MUC4: variants seen among roughly 807,000 people sequenced by gnomAD.
MUC4 encodes the protein mucin 4, cell surface associated.
MUC4 carries 202 observed loss-of-function variants against 257.9 expected under a neutral mutation model. The ratio of observed to expected loss-of-function variants is 0.78; its 90% CI spans 0.70 to 0.88. MUC4 has a LOEUF of 0.88. Ranked by LOEUF, MUC4 falls within the 40% of genes least tolerant of loss-of-function variation. MUC4 has a pLI of 0.00. For synonymous variants in MUC4, 2,351 were observed against 2,757.1 expected, an observed-to-expected ratio of 0.85 and a Z score of 4.62; for missense variants, 5,976 against 6,513.7, an observed-to-expected ratio of 0.92 and a Z score of 2.84.
At chr3:195,749,935 AT>A (rs1367021678) in intron 23 of MUC4, 1 of 152,298 alleles carries the variant, frequency 6.6e-6, no homozygotes, top group Non-Finnish European at 1.5e-5. Flanking sequence ...TATAATAAAA[AT>A]TATAGGTTTT....
intron 14 of MUC4, 144 bp downstream of exon 14, chr3:195,761,943 C>G: frequency 9.6e-7 from 1 of 1,046,318 alleles, no homozygotes; most frequent in Non-Finnish European, 1.3e-6. Context: ...CCCCTCGGCT[C>G]CCGGCCCGCT....
Position 195,789,108 on chromosome 3 carries a change from T to C in MUC4, c.2472A>G (p.Ser824=). The change falls in exon 2 of 25, where the codon TCA becomes TCG. Residue 824 remains serine, a synonymous_variant. Coordinates refer to ENST00000463781, the MANE Select transcript of MUC4 (RefSeq NM_018406.7). Reference sequence around the variant, plus strand: ...TTGATGAAAACCTTGTCGTCTCTCCTGAGGTGGATATTCCTTCGCTTCCTG... The same window carrying C: ...TTGATGAAAACCTTGTCGTCTCTCCCGAGGTGGATATTCCTTCGCTTCCTG... ...TPSGSEGIST[S]GETTRFSSNP... The C allele has an allele frequency of 6.2e-7, 1 of 1,613,596 alleles. No homozygotes were observed. Among genetic ancestry groups the C allele is most frequent in the Non-Finnish European group, 8.5e-7 (1 of 1,179,736 alleles).
intron 7 of MUC4, among the ~76,000 whole-genome samples, chr3:195,767,530 G>GCCA (rs1228711420): frequency 4.5e-4 from 24 of 53,582 alleles, no homozygotes; most frequent in African/African-American, 2.6e-3. Context: ...CACCACCATC[G>GCCA]CCACCACCAT....
At chr3:195,808,941 C>T (rs1325739203) in intron 1 of MUC4, among the ~76,000 whole-genome samples, 6 of 152,160 alleles carry the variant, frequency 3.9e-5, no homozygotes, top group Admixed American at 2.0e-4. Flanking sequence ...CCGTGGAGTG[C>T]GCTGTGGCCG....
intron 7 of MUC4, among the ~76,000 whole-genome samples, 168 bp downstream of exon 7, chr3:195,768,854 G>A (rs907384424): frequency 2.6e-5 from 4 of 152,222 alleles, no homozygotes; most frequent in Admixed American, 2.6e-4. Context: ...CTTGTCGTGG[G>A]AAGCAGCCAG....
At chr3:195,807,421 C>G (rs945378515) in intron 1 of MUC4, among the ~76,000 whole-genome samples, 4 of 151,992 alleles carry the variant, frequency 2.6e-5, no homozygotes, top group African/African-American at 9.7e-5. Context: ...TGAGCTGAGA[C>G]CACGCCACTG....
Position 195,762,266 on chromosome 3 carries a change from G to T in MUC4, c.14345-12C>A. On this transcript the variant is annotated splice_polypyrimidine_tract_variant and intron_variant, in intron 13 of 24. Coordinates refer to ENST00000463781, the MANE Select transcript of MUC4 (RefSeq NM_018406.7). ...GAACGTCTCCTGGCCTGGAGCATCG[G>T]GAGGCAGCGGAGAGGAAGCCAGGTC... 1 of 1,561,732 alleles carries T rather than the reference G, an allele frequency of 6.4e-7. No homozygotes were observed. The highest frequency in any genetic ancestry group is 2.4e-5 in the East Asian group (1 of 41,710).
Position 195,790,223 on chromosome 3 carries a change from T to A in MUC4, c.1357A>T (p.Thr453Ser), listed in dbSNP as rs775239862. 1 of 1,613,968 alleles carries A rather than the reference T, an allele frequency of 6.2e-7. No homozygotes were observed. Residue 453 changes from threonine to serine, a missense_variant, in exon 2 of 25, where the codon ACC becomes TCC. Coordinates refer to ENST00000463781, the MANE Select transcript of MUC4 (RefSeq NM_018406.7). ...LPPKISTAFH[T>S]QQSEGAETTG... Reference sequence around the variant, plus strand: ...GTCTCTGCACCTTCACTCTGCTGGGTGTGGAAAGCTGTGGATATTTTTGGA... The same window carrying A: ...GTCTCTGCACCTTCACTCTGCTGGGAGTGGAAAGCTGTGGATATTTTTGGA...
intron 3 of MUC4, among the ~76,000 whole-genome samples, chr3:195,774,672 C>A (rs1000348467): frequency 6.6e-6 from 1 of 152,026 alleles, no homozygotes; most frequent in East Asian, 1.9e-4. Flanking sequence ...GAGGCTGAGG[C>A]GGGAGGATCA....
At chr3:195,764,583 A>T (rs1720008467) in intron 10 of MUC4, among the ~76,000 whole-genome samples, 1 of 151,960 alleles carries the variant, frequency 6.6e-6, no homozygotes, top group South Asian at 2.1e-4. Flanking sequence ...GGAAACTGCC[A>T]TGGGACGGGG....
In MUC4 at chr3:195,757,460, T is replaced by C; in HGVS notation, c.14987-132A>G. On this transcript the variant is annotated intron_variant, in intron 17 of 24. Transcript: ENST00000463781. This position sits in a 1 kb window ranked among gnomAD's most constrained non-coding sequence, Gnocchi z 4.8. Reference sequence around the variant, plus strand: ...CCCCAGACAAATCTCATTGGTCATTTCCTTTGAGCAAGGCTGGTATCGGGG... The same window carrying C: ...CCCCAGACAAATCTCATTGGTCATTCCCTTTGAGCAAGGCTGGTATCGGGG... The C allele has an allele frequency of 1.2e-6, 1 of 857,282 alleles. No homozygotes were observed. Among genetic ancestry groups the C allele is most frequent in the Middle Eastern group, 3.6e-4 (1 of 2,776 alleles). 53.1% of individuals were successfully genotyped at this position (857,282 alleles called of 1,614,324 possible). A position where few individuals can be genotyped will look rare whatever the true frequency, so the allele number is the denominator to read the frequency against.
chr3:195,754,041 T>C (rs3107758), intron 19 of MUC4, 172 bp downstream of exon 19: 1 of 881,768 alleles, frequency 1.1e-6, no homozygotes, highest in Non-Finnish European at 1.7e-6. Context: ...AGATTTCCCA[T>C]ACCTGCCTAG....
intron 7 of MUC4, among the ~76,000 whole-genome samples, chr3:195,767,504 C>CAT (rs1720915469): frequency 2.9e-5 from 4 of 137,362 alleles, no homozygotes; most frequent in East Asian, 2.3e-4. Context: ...ACCATCACCA[C>CAT]CACCATCACC....
In MUC4 at chr3:195,762,888, C is replaced by T. The variant is rs185379165; in HGVS notation, c.14311G>A (p.Val4771Met). The change falls in exon 13 of 25, where the codon GTG (valine) becomes ATG (methionine). Residue 4771 changes from valine (V) to methionine (M), a missense_variant. Val to Met is a conservative substitution (Grantham distance 21, BLOSUM62 1). Transcript: ENST00000463781. Reference sequence around the variant, plus strand: ...TCTTCATGGTCAGGCTGAAATGTCACAGTCTGGTTATCCAGCAGGACACGG... The same window carrying T: ...TCTTCATGGTCAGGCTGAAATGTCATAGTCTGGTTATCCAGCAGGACACGG... ...AIRVLLDNQTVTFQPDHEDGG... is the reference protein window; with the variant it reads ...AIRVLLDNQTMTFQPDHEDGG... 1.3e-6 allele frequency: 2 copies of T among 1,572,430 alleles called. No homozygotes were observed. Among genetic ancestry groups the T allele is most frequent in the African/African-American group, 1.4e-5 (1 of 73,852 alleles).
At chr3:195,750,741 A>T in intron 23 of MUC4, 148 bp downstream of exon 23, 2 of 768,542 alleles carry the variant, frequency 2.6e-6, no homozygotes, top group South Asian at 1.8e-5. Flanking sequence ...TCTCGAATCT[A>T]AAAAGCAGCT....
Position 195,762,088 on chromosome 3 carries a change from C to A in MUC4, c.14511G>T (p.Leu4837=). ...GAGGCAGGTCCGAGCCGCCCTCACC[C>A]AGGAGCCCCTCCGTGCGGTTCTGGT... is the stretch of plus-strand genomic sequence containing the variant. ...PEYQNRTEGL[L]GVWNNNPEDD... Residue 4837 remains leucine, a splice_region_variant and synonymous_variant, in exon 14 of 25, where the codon CTG becomes CTT. Transcript: ENST00000463781. 1 of 1,593,302 alleles carries A rather than the reference C, an allele frequency of 6.3e-7. No individual in the cohort carries two copies. Among genetic ancestry groups the A allele is most frequent in the Non-Finnish European group, 8.5e-7 (1 of 1,173,602 alleles).
At chr3:195,763,668 C>T (rs1719734212) in intron 11 of MUC4, 27 bp from the exon 12 acceptor site, 3 of 1,470,728 alleles carry the variant, frequency 2.0e-6, no homozygotes, top group East Asian at 2.5e-5. Context: ...GATGCTGCCT[C>T]AGCATGACAA....
intron 18 of MUC4, among the ~76,000 whole-genome samples, chr3:195,756,313 A>G (rs1314969920): frequency 6.6e-6 from 1 of 152,044 alleles, no homozygotes; most frequent in African/African-American, 2.4e-5. Flanking sequence ...TGTGATGGAA[A>G]CCTGTGTGGA....
chr3:195,790,473 T>A lies in MUC4; in HGVS notation c.1107A>T (p.Thr369=), dbSNP rs1733721314. 1 of 1,613,930 alleles carries A rather than the reference T, an allele frequency of 6.2e-7. No homozygotes were observed. Among genetic ancestry groups the A allele is most frequent in the African/African-American group, 1.3e-5 (1 of 74,942 alleles). ...AGGTGGTTGTTTCACCAGAAGGGAA[T>A]GTCTCCTGAGAAACTGTTCCACTTG... ...FNPSGTVSQE[T]FPSGETTTSS... is the part of the protein sequence containing the mutation. Residue 369 remains threonine, a synonymous_variant, in exon 2 of 25, where the codon ACA becomes ACT. Transcript: ENST00000463781.
Sources: gnomAD v4.1 joint callset for allele counts (sites outside exome capture counted in the v4.1 genomes callset) on GRCh38, gnomAD v4.1.1 for gene constraint, Gnocchi (gnomAD v3.1) non-coding constraint, MANE v1.5 for transcripts, NCBI Gene and HGNC (gene_info 2026-07-23, HGNC 2026-07-21) for gene names.